Variants in ADAM2 observed in about 807,000 individuals in gnomAD.
The protein encoded by ADAM2 is disintegrin and metalloproteinase domain-containing protein 2.
A neutral mutation model predicts 99.3 loss-of-function variants in ADAM2; 101 were observed. The ratio of observed to expected loss-of-function variants is 1.02; its 90% CI spans 0.87 to 1.20. The LOEUF (loss-of-function observed/expected upper bound fraction) is 1.20. ADAM2 is among the 50% of genes most tolerant of loss of function. The pLI is 0.00. For missense variants in ADAM2, 948 were observed against 878.7 expected, an observed-to-expected ratio of 1.08 and a Z score of -1.00; for synonymous variants, 323 against 287.6, an observed-to-expected ratio of 1.12 and a Z score of -1.25.
At chr8:39,836,838 GGTGA>G (rs1171755010) in intron 2 of ADAM2, among the ~76,000 whole-genome samples, 1 of 152,096 alleles carries the variant, frequency 6.6e-6, no homozygotes, top group African/African-American at 2.4e-5. Context: ...CAGCCTGAAC[GGTGA>G]GTGAGAACAG....
At chr8:39,753,100 C>T (rs138797732) in intron 16 of ADAM2, among the ~76,000 whole-genome samples, 2,246 of 152,082 alleles carry the variant, frequency 0.015, 24 homozygotes, top group Non-Finnish European at 0.024. Flanking sequence ...AAGAAGAAGA[C>T]GGGAAAATGT....
chr8:39,746,056 C>A (rs556674291), intron 19 of ADAM2, among the ~76,000 whole-genome samples: 87 of 152,052 alleles, frequency 5.7e-4, no homozygotes, highest in African/African-American at 1.8e-3. Flanking sequence ...GTCTCAGTCT[C>A]ACTCTGTTGC....
At chr8:39,769,175 G>C (rs1312099121) in intron 12 of ADAM2, among the ~76,000 whole-genome samples, 2 of 152,038 alleles carry the variant, frequency 1.3e-5, no homozygotes, top group African/African-American at 4.8e-5. Context: ...AAAATTACCT[G>C]TATATTCATA....
chr8:39,826,437 C>T (rs1805402245), intron 3 of ADAM2, among the ~76,000 whole-genome samples: 1 of 152,118 alleles, frequency 6.6e-6, no homozygotes, highest in African/African-American at 2.4e-5. Context: ...TAAAAAAGCA[C>T]TCAAGGCCAG....
Position 39,829,807 on chromosome 8 carries a change from C to T in ADAM2, c.188+4137G>A, listed in dbSNP as rs145397583. ...GCTATACAGTAATAAAAATGAATAG[C>T]TTGGAATTACTTGCGACAACATTGA... On this transcript the variant is annotated intron_variant, in intron 3 of 20. Coordinates refer to ENST00000265708, the MANE Select transcript of ADAM2 (RefSeq NM_001464.5). 8.6e-5 allele frequency among the ~76,000 whole-genome samples: 13 copies of T among 152,036 alleles called. No individual in the cohort carries two copies. The East Asian group carries it at 1.7e-3, about 20-fold the overall frequency.
rs116156263 is a variant in ADAM2 at position 39,778,189 on chromosome 8, T to C, written c.892-1028A>G. Among the ~76,000 whole-genome samples the C allele has an allele frequency of 4.5e-3, 683 of 151,966 alleles. 8 individuals are homozygous for C. The highest frequency in any genetic ancestry group is 0.015 in the African/African-American group (641 of 41,508). ...ACATATCCTGCTACCCCTTCAAATATATCTACTAACATTTTGATGAATATA... is the reference window on the plus strand; with the variant it reads ...ACATATCCTGCTACCCCTTCAAATACATCTACTAACATTTTGATGAATATA... On this transcript the variant is annotated intron_variant, in intron 10 of 20. Transcript: ENST00000265708.
At chr8:39,770,936 A>G (rs1316413760) in intron 11 of ADAM2, among the ~76,000 whole-genome samples, 1 of 152,230 alleles carries the variant, frequency 6.6e-6, no homozygotes, top group Non-Finnish European at 1.5e-5. Flanking sequence ...CTAGCTCATC[A>G]TATGCTTTGA....
intron 7 of ADAM2, among the ~76,000 whole-genome samples, chr8:39,803,076 T>G (rs531376995): frequency 6.6e-6 from 1 of 152,096 alleles, no homozygotes; most frequent in African/African-American, 2.4e-5. Context: ...AGAACAAGAT[T>G]GAGAGCAACA....
chr8:39,768,490 G>C (rs1445941747), intron 12 of ADAM2, among the ~76,000 whole-genome samples: 1 of 151,948 alleles, frequency 6.6e-6, no homozygotes, highest in African/African-American at 2.4e-5. Flanking sequence ...CTTTATCTAA[G>C]ATTTCTGTGG....
At chr8:39,813,947 T>C (rs539495856) in intron 6 of ADAM2, among the ~76,000 whole-genome samples, 1 of 150,828 alleles carries the variant, frequency 6.6e-6, no homozygotes, top group Admixed American at 6.6e-5. Context: ...TAAATATATG[T>C]AAATAAATGT....
At chr8:39,770,312 C>G (rs1351101458) in intron 11 of ADAM2, among the ~76,000 whole-genome samples, 1 of 152,150 alleles carries the variant, frequency 6.6e-6, no homozygotes, top group African/African-American at 2.4e-5. Context: ...TCTATAGTTG[C>G]AAATAGCGTC....
intron 4 of ADAM2, among the ~76,000 whole-genome samples, chr8:39,824,109 C>A (rs1416188067): frequency 6.6e-6 from 1 of 151,948 alleles, no homozygotes. Context: ...CATGGAGAAA[C>A]CCTGTCTCTA....
chr8:39,837,175 C>T lies in ADAM2; in HGVS notation c.93G>A (p.Glu31=). 6.2e-7 allele frequency: 1 copy of T among 1,610,578 alleles called. No individual in the cohort carries two copies. The part of the protein sequence containing the change: ...DSLPVQITVP[E]KIRSIIKEGI... ...CTTCCTTTATTATTGACCGTATTTTCTCCGGAACTGTAATTTGCACAGGTA... is the reference window on the plus strand; with the variant it reads ...CTTCCTTTATTATTGACCGTATTTTTTCCGGAACTGTAATTTGCACAGGTA... The change falls in exon 2 of 21, where the codon GAG becomes GAA. Residue 31 remains glutamate, a synonymous_variant. Coordinates refer to ENST00000265708, the MANE Select transcript of ADAM2 (RefSeq NM_001464.5).
rs1232399849 is a variant in ADAM2, at chr8:39,761,274, C to T, written c.1515G>A (p.Glu505=). ...GAGAATAACATTCTGAAGGGCCAAACTCTACTTCTGAAAATAAAAAGGTGA... is the reference window on the plus strand; with the variant it reads ...GAGAATAACATTCTGAAGGGCCAAATTCTACTTCTGAAAATAAAAAGGTGA... The part of the protein sequence containing the change: ...QCTDTFGKEV[E]FGPSECYSHL... The change falls in exon 15 of 21, where the codon GAG becomes GAA. Residue 505 remains glutamate (E), a synonymous_variant. Coordinates refer to ENST00000265708, the MANE Select transcript of ADAM2 (RefSeq NM_001464.5). 1 of 1,585,756 alleles carries T rather than the reference C, an allele frequency of 6.3e-7. No individual in the cohort carries two copies. Among genetic ancestry groups the T allele is most frequent in the South Asian group, 1.2e-5 (1 of 85,504 alleles).
chr8:39,834,060 C>T (rs931883929), intron 2 of ADAM2, 61 bp from the exon 3 acceptor site: 3 of 834,344 alleles, frequency 3.6e-6, no homozygotes, highest in South Asian at 1.6e-5. Flanking sequence ...AAGGGATAAC[C>T]ATCATTTTAC....
rs187481588 is a variant in ADAM2, at chr8:39,812,074, G to A, written c.514-2608C>T. ...CTCCTTAAGCTGATAAGCAACTTCA[G>A]CAAAGTCTCAGGATACAAAATCAAT... On this transcript the variant is annotated intron_variant, in intron 6 of 20. Transcript: ENST00000265708. Among the ~76,000 whole-genome samples the A allele has an allele frequency of 2.4e-3, 359 of 152,272 alleles. 2 individuals carry two copies. The highest frequency in any genetic ancestry group is 8.2e-3 in the African/African-American group (342 of 41,542).
At chr8:39,754,363 A>G (rs1467911165) in intron 16 of ADAM2, among the ~76,000 whole-genome samples, 1 of 152,062 alleles carries the variant, frequency 6.6e-6, no homozygotes, top group Admixed American at 6.5e-5. Context: ...TGGATGGACA[A>G]CCTCCAAAAT....
At chr8:39,757,263 A>G (rs1233268898) in intron 15 of ADAM2, among the ~76,000 whole-genome samples, 3 of 152,062 alleles carry the variant, frequency 2.0e-5, no homozygotes, top group African/African-American at 4.8e-5. Flanking sequence ...CTTTGGCTGG[A>G]AGGCATTGTA....
intron 7 of ADAM2, among the ~76,000 whole-genome samples, chr8:39,796,957 G>A (rs1451466374): frequency 2.6e-5 from 4 of 152,044 alleles, no homozygotes; most frequent in Non-Finnish European, 5.9e-5. Context: ...TGTCAGATGG[G>A]TAGATTGCAA....
Sources: gnomAD v4.1 joint callset for allele counts (sites outside exome capture counted in the v4.1 genomes callset) on GRCh38, gnomAD v4.1.1 for gene constraint, MANE v1.5 for transcripts, NCBI Gene and HGNC (gene_info 2026-07-23, HGNC 2026-07-21) for gene names.